CHFR: variants seen among roughly 807,000 people sequenced by gnomAD.
The protein encoded by CHFR is E3 ubiquitin-protein ligase CHFR.
A neutral mutation model predicts 87.6 loss-of-function variants in CHFR; 57 were observed. That is an observed-to-expected ratio of 0.65 (90% CI 0.53 to 0.81). CHFR has a LOEUF of 0.81. Among genes scored for constraint, CHFR ranks in the 30% least tolerant of loss-of-function variants. The pLI is 0.00. For missense variants in CHFR, 797 were observed against 865.8 expected (o/e 0.92, Z 1.00); for synonymous variants, 381 against 359.2 (o/e 1.06, Z -0.69).
chr12:132,885,945 A>C (rs933351946), intron 2 of CHFR, among the ~76,000 whole-genome samples: 1 of 152,222 alleles, frequency 6.6e-6, no homozygotes, highest in African/African-American at 2.4e-5. Context: ...TTATGATGAT[A>C]TCTAAATACT....
intron 3 of CHFR, among the ~76,000 whole-genome samples, chr12:132,873,189 C>T (rs1018881873): frequency 2.0e-5 from 3 of 152,188 alleles, no homozygotes; most frequent in East Asian, 3.9e-4. Flanking sequence ...AACTCACATC[C>T]GAGTGACCAC....
At chr12:132,850,575 C>G (rs1012737707) in intron 12 of CHFR, among the ~76,000 whole-genome samples, 1 of 152,204 alleles carries the variant, frequency 6.6e-6, no homozygotes, top group Non-Finnish European at 1.5e-5. Flanking sequence ...GTGTGTCCCA[C>G]GGCCATGTGT....
chr12:132,857,708 TGAAAA>T, intron 8 of CHFR, 149 bp from the exon 9 acceptor site: 1 of 713,388 alleles, frequency 1.4e-6, no homozygotes, highest in South Asian at 1.9e-5. Context: ...TCTTGGTTAA[TGAAAA>T]GAAATCAGAG....
intron 2 of CHFR, among the ~76,000 whole-genome samples, chr12:132,877,888 C>T (rs879802410): frequency 6.6e-6 from 1 of 152,066 alleles, no homozygotes; most frequent in Non-Finnish European, 1.5e-5. Context: ...CTGCAAGCTC[C>T]GCCTCCCAGG....
At chr12:132,848,356 C>T (rs186085029) in intron 13 of CHFR, 1 of 984,878 alleles carries the variant, frequency 1.0e-6, no homozygotes, top group African/African-American at 1.6e-5. Context: ...GATCAGCTCT[C>T]CGAGTCTCCC....
At chr12:132,875,703 AC>A (rs1402137284) in intron 3 of CHFR, among the ~76,000 whole-genome samples, 2 of 152,200 alleles carry the variant, frequency 1.3e-5, no homozygotes, top group Admixed American at 6.5e-5. Context: ...TCCCAAGAAA[AC>A]AGACATGAAG....
At chr12:132,858,929 T>C (rs369464193) in intron 8 of CHFR, 139 bp downstream of exon 8, 5 of 781,344 alleles carry the variant, frequency 6.4e-6, no homozygotes, top group African/African-American at 5.6e-5. Flanking sequence ...TCCACCCACT[T>C]ATCTGGGTGA....
chr12:132,853,003 C>T (rs544837794), intron 11 of CHFR, among the ~76,000 whole-genome samples: 3 of 152,210 alleles, frequency 2.0e-5, no homozygotes, highest in African/African-American at 4.8e-5. Context: ...GGAAACATTT[C>T]GCATTAAGCC....
intron 3 of CHFR, among the ~76,000 whole-genome samples, chr12:132,874,996 C>T (rs1202198946): frequency 2.0e-5 from 3 of 151,684 alleles, no homozygotes; most frequent in African/African-American, 4.8e-5. Context: ...AGCCCAGGAC[C>T]AGCACCCAGC....
At chr12:132,884,412 T>C (rs1361358285) in intron 2 of CHFR, among the ~76,000 whole-genome samples, 1 of 100,178 alleles carries the variant, frequency 1.0e-5, no homozygotes, top group Non-Finnish European at 2.7e-5. Context: ...CAAAACTCCG[T>C]CTCAAAAAAA....
In CHFR at chr12:132,851,761, G is replaced by A. The variant is rs201537399; in HGVS notation, c.1373-24C>T. 199 of 1,596,394 alleles carry A rather than the reference G, an allele frequency of 1.2e-4. 3 individuals carry two copies. Among genetic ancestry groups the A allele is most frequent in the East Asian group, 1.2e-3 (51 of 44,290 alleles). On this transcript the variant is annotated intron_variant, in intron 11 of 17. Coordinates refer to ENST00000450056, the MANE Select transcript of CHFR (RefSeq NM_001161346.2). ...TGCTGAAGCACACGCACATTCAGCC[G>A]GAGCACGTGGGACCCAGGGCAGAAA...
At chr12:132,855,676 G>T (rs1226958529) in intron 10 of CHFR, among the ~76,000 whole-genome samples, 3 of 148,978 alleles carry the variant, frequency 2.0e-5, no homozygotes, top group Admixed American at 6.7e-5. Context: ...AAAAAAAAAA[G>T]AAAAAAAAAA....
At chr12:132,875,968 AG>A (rs1205614581) in intron 3 of CHFR, among the ~76,000 whole-genome samples, 1 of 152,172 alleles carries the variant, frequency 6.6e-6, no homozygotes, top group East Asian at 1.9e-4. Context: ...TGAGATCAGG[AG>A]TTCGAGACCA....
intron 14 of CHFR, chr12:132,847,811 C>T (rs1593451308): frequency 7.7e-7 from 1 of 1,306,658 alleles, no homozygotes; most frequent in African/African-American, 1.5e-5. Flanking sequence ...ACAAGAGCTG[C>T]CGGGAACAAG....
intron 12 of CHFR, 34 bp from the exon 13 acceptor site, chr12:132,848,758 G>T: frequency 6.8e-7 from 1 of 1,471,858 alleles, no homozygotes; most frequent in Non-Finnish European, 9.3e-7. Flanking sequence ...CACGCACTCA[G>T]CGCTGAGGGC....
chr12:132,856,166 A>G (rs1951065325), intron 10 of CHFR, among the ~76,000 whole-genome samples: 1 of 152,232 alleles, frequency 6.6e-6, no homozygotes, highest in Admixed American at 6.5e-5. Context: ...GACGAGTCGA[A>G]GCAAAGGGAA....
intron 17 of CHFR, among the ~76,000 whole-genome samples, chr12:132,842,683 G>A (rs1950726509): frequency 6.6e-6 from 1 of 152,250 alleles, no homozygotes; most frequent in Admixed American, 6.5e-5. Context: ...GAACCCAGCT[G>A]TGCAGCGCTT....
rs1417864380 is a variant in CHFR at position 132,835,685 on chromosome 12, G to GA, written c.*5868dup. On this transcript the variant is annotated 3_prime_UTR_variant, in exon 18 of 18. Transcript: ENST00000450056. ...AGAGTTCCAGGCCCCAGAACTGTGA[G>GA]AAAATACTTTCTGTTGTTTAAGCCG... 4.4e-6 allele frequency: 1 copy of GA among 228,770 alleles called. No individual in the cohort carries two copies. Among genetic ancestry groups the GA allele is most frequent in the Non-Finnish European group, 8.8e-6 (1 of 113,154 alleles). The allele number at this position is 228,770 out of a possible 1,614,324, so 14.2% of individuals were successfully genotyped here.
intron 2 of CHFR, 60 bp downstream of exon 2, chr12:132,887,136 T>G (rs1385520626): frequency 1.4e-6 from 2 of 1,385,402 alleles, no homozygotes; most frequent in Non-Finnish European, 1.9e-6. Flanking sequence ...CCGTGTGGCC[T>G]GCCCGCAACC....
Sources: allele counts gnomAD v4.1 joint callset (sites outside exome capture counted in the v4.1 genomes callset), GRCh38; gene constraint gnomAD v4.1.1; transcripts MANE v1.5; gene names NCBI Gene and HGNC (gene_info 2026-07-23, HGNC 2026-07-21).